MICAL3: variants seen among roughly 807,000 people sequenced by gnomAD.
The protein encoded by MICAL3 is [F-actin]-monooxygenase MICAL3.
In MICAL3, 62 loss-of-function variants were observed where a neutral mutation model predicts 207.4. The ratio of observed to expected loss-of-function variants is 0.30; its 90% CI spans 0.24 to 0.37. The LOEUF is 0.37. MICAL3 is among the 10% of genes least tolerant of loss of function. The pLI, the probability that MICAL3 is intolerant of heterozygous loss-of-function variation, is 1.00. For missense variants in MICAL3, 2,368 were observed against 2,635.6 expected, an observed-to-expected ratio of 0.90 and a Z score of 2.22; for synonymous variants, 1,077 against 1,069.3, an observed-to-expected ratio of 1.01 and a Z score of -0.14.
rs145503691 is a variant in MICAL3, at chr22:17,877,723, C to T, written c.2242-5700G>A. Among the ~76,000 whole-genome samples the T allele has an allele frequency of 1.9e-3, 289 of 152,190 alleles. 2 individuals carry two copies. The highest frequency in any genetic ancestry group is 3.0e-3 in the Non-Finnish European group (202 of 67,978). On this transcript the variant is annotated intron_variant, in intron 16 of 31. Transcript: ENST00000441493. ...CAGAGGGAAAAAGAGAGAAACATCT[C>T]TGCAAGCCTTATTGCCTCCTGAGCT... is the stretch of plus-strand genomic sequence containing the variant.
intron 16 of MICAL3, among the ~76,000 whole-genome samples, chr22:17,879,604 C>T (rs991669859): frequency 6.6e-6 from 1 of 152,154 alleles, no homozygotes; most frequent in Non-Finnish European, 1.5e-5. Context: ...GCCATTCCAC[C>T]CCCCACTGGC....
At chr22:17,804,070 C>T (rs1340599499) in intron 29 of MICAL3, among the ~76,000 whole-genome samples, 2 of 152,178 alleles carry the variant, frequency 1.3e-5, no homozygotes, top group African/African-American at 2.4e-5. Flanking sequence ...CTGCATACTG[C>T]GTGGCTGCGG....
chr22:17,793,234 A>G lies in MICAL3; in HGVS notation c.5651-1933T>C, dbSNP rs2061843242. On this transcript the variant is annotated intron_variant, in intron 29 of 31. Coordinates refer to ENST00000441493, the MANE Select transcript of MICAL3 (RefSeq NM_015241.3). This position sits in a 1 kb window ranked among gnomAD's most constrained non-coding sequence, Gnocchi z 4.1. ...AACGACAATCTTATCACCACAACAGACTTCAAATCAGACAAACTTAAAACA... is the reference window on the plus strand; with the variant it reads ...AACGACAATCTTATCACCACAACAGGCTTCAAATCAGACAAACTTAAAACA... 6.6e-6 allele frequency among the ~76,000 whole-genome samples: 1 copy of G among 151,938 alleles called. No homozygotes were observed.
At chr22:17,827,816 G>A in intron 21 of MICAL3, 35 bp from the exon 22 acceptor site, 1 of 1,524,342 alleles carries the variant, frequency 6.6e-7, no homozygotes, top group Non-Finnish European at 8.9e-7. Flanking sequence ...GAGAAATGAG[G>A]TGGGGAAGGA....
chr22:17,903,174 A>C (rs1395211691), intron 3 of MICAL3, among the ~76,000 whole-genome samples: 1 of 152,202 alleles, frequency 6.6e-6, no homozygotes, highest in African/African-American at 2.4e-5. Flanking sequence ...CCCCGCCCAC[A>C]GGCGTCTTTC....
chr22:18,014,986 C>CAAAAAAAAA (rs10689117), intron 1 of MICAL3, among the ~76,000 whole-genome samples: 1 of 140,510 alleles, frequency 7.1e-6, no homozygotes. Flanking sequence ...GACTCCATCT[C>CAAAAAAAAA]AAAAAAAAAA....
chr22:18,011,272 G>A (rs539069778), intron 1 of MICAL3, among the ~76,000 whole-genome samples: 30 of 152,236 alleles, frequency 2.0e-4, no homozygotes, highest in African/African-American at 3.4e-4. Flanking sequence ...CTGGCTGGGC[G>A]CAGTGGCTCA....
At chr22:17,950,959 C>T (rs1164368360) in intron 1 of MICAL3, among the ~76,000 whole-genome samples, 2 of 152,148 alleles carry the variant, frequency 1.3e-5, no homozygotes, top group East Asian at 3.9e-4. Flanking sequence ...GAAAGGAAAT[C>T]CCACTGTCAG....
intron 18 of MICAL3, among the ~76,000 whole-genome samples, chr22:17,865,584 T>C (rs1397409432): frequency 1.3e-5 from 2 of 152,152 alleles, no homozygotes; most frequent in Non-Finnish European, 2.9e-5. Flanking sequence ...GCTCTAATCA[T>C]GTGGAACATG....
intron 1 of MICAL3, among the ~76,000 whole-genome samples, chr22:17,925,883 C>G (rs536407604): frequency 5.3e-5 from 8 of 152,304 alleles, no homozygotes; most frequent in East Asian, 1.9e-4. Flanking sequence ...CTCCTGACAG[C>G]TGGGTGCTTT....
intron 19 of MICAL3, among the ~76,000 whole-genome samples, chr22:17,851,599 T>C (rs1408753959): frequency 1.2e-4 from 18 of 152,208 alleles, no homozygotes; most frequent in Non-Finnish European, 2.2e-4. Flanking sequence ...ATTCTGGCCT[T>C]GGTTTCCTGA....
intron 1 of MICAL3, chr22:17,983,425 A>T (rs1276126837): frequency 7.2e-6 from 1 of 139,544 alleles, no homozygotes; most frequent in Non-Finnish European, 1.5e-5. Flanking sequence ...TCTACCTATT[A>T]TCCTCATGAC....
chr22:17,879,103 A>G (rs1165045255), intron 16 of MICAL3, among the ~76,000 whole-genome samples: 1 of 152,178 alleles, frequency 6.6e-6, no homozygotes, highest in Non-Finnish European at 1.5e-5. Flanking sequence ...CCTTTACAAT[A>G]CGCACATTTA....
At chr22:17,912,331 T>C (rs1226211610) in intron 1 of MICAL3, among the ~76,000 whole-genome samples, 1 of 151,640 alleles carries the variant, frequency 6.6e-6, no homozygotes. Flanking sequence ...TCCCTTGAGA[T>C]TCCATGTAAA....
chr22:17,881,268 T>G (rs765111269), intron 16 of MICAL3: 1 of 1,611,346 alleles, frequency 6.2e-7, no homozygotes, highest in African/African-American at 1.3e-5. Context: ...TGATCACTTT[T>G]TTGGGGCAGG....
At chr22:17,871,742 A>G (rs1927747142) in intron 17 of MICAL3, 95 bp downstream of exon 17, 1 of 1,142,992 alleles carries the variant, frequency 8.7e-7, no homozygotes, top group African/African-American at 1.6e-5. Flanking sequence ...ACGCACATGG[A>G]ATAAGGCAGG....
chr22:17,920,461 G>A (rs1932776962), intron 1 of MICAL3, among the ~76,000 whole-genome samples: 1 of 152,128 alleles, frequency 6.6e-6, no homozygotes, highest in African/African-American at 2.4e-5. Flanking sequence ...TTTCAAGTGA[G>A]ACAGGCTCAG....
Position 17,817,805 on chromosome 22 carries a change from C to T in MICAL3, c.4856G>A (p.Arg1619Lys). The change falls in exon 26 of 32, where the codon AGG becomes AAG. Residue 1619 changes from arginine to lysine, a missense_variant. This residue lies in a region of MICAL3 where 1,770 missense variants were observed against 1,863.2 expected (regional missense o/e 0.95). Transcript: ENST00000441493. ...TGAGGCCAGCTCCATCTGCTGCATC[C>T]TGCTCAGCTGCCTGGCCATGGCGTC... ...LRDAMARQLS[R>K]MQQMELASGA... The T allele has an allele frequency of 6.2e-7, 1 of 1,609,138 alleles. No homozygotes were observed. The highest frequency in any genetic ancestry group is 8.5e-7 in the Non-Finnish European group (1 of 1,177,964).
At chr22:17,824,954 T>G (rs775846114) in intron 22 of MICAL3, among the ~76,000 whole-genome samples, 1 of 152,172 alleles carries the variant, frequency 6.6e-6, no homozygotes, top group Non-Finnish European at 1.5e-5. Context: ...ATCTGGCCCA[T>G]CCCATGGAGA....
Sources: allele counts gnomAD v4.1 joint callset (sites outside exome capture counted in the v4.1 genomes callset), GRCh38; gene constraint gnomAD v4.1.1; regional missense constraint gnomAD v4.1.1; non-coding constraint Gnocchi (gnomAD v3.1); transcripts MANE v1.5; gene names NCBI Gene and HGNC (gene_info 2026-07-23, HGNC 2026-07-21).